The following VPS13D variants were observed in gnomAD, a reference collection of about 807,000 sequenced individuals.
VPS13D encodes intermembrane lipid transfer protein VPS13D.
A neutral mutation model predicts 461.9 loss-of-function variants in VPS13D; 187 were observed. The observed-to-expected ratio is 0.40, with a 90% CI of 0.36 to 0.46. The LOEUF (loss-of-function observed/expected upper bound fraction) is 0.46, where lower values mean the gene tolerates loss of function less well. Among genes scored for constraint, VPS13D ranks in the 20% least tolerant of loss-of-function variants. The pLI, the probability that VPS13D is intolerant of heterozygous loss-of-function variation, is 0.60. For synonymous variants in VPS13D, 1,951 were observed against 1,986.3 expected (o/e 0.98, Z 0.47); for missense variants, 4,711 against 5,364.9 (o/e 0.88, Z 3.81).
At chr1:12,433,466 A>G (rs1645019125) in intron 65 of VPS13D, among the ~76,000 whole-genome samples, 1 of 152,170 alleles carries the variant, frequency 6.6e-6, no homozygotes, top group South Asian at 2.1e-4. Context: ...GATTGCAAAG[A>G]GTTAACACTT....
chr1:12,268,754 C>G lies in VPS13D; in HGVS notation c.1850C>G (p.Pro617Arg). Reference sequence around the variant, plus strand: ...TTTGAGATGCTGTATGAGAGAAATCCGGCGCACAGCCACTTTGAGAGGCGG... The same window carrying G: ...TTTGAGATGCTGTATGAGAGAAATCGGGCGCACAGCCACTTTGAGAGGCGG... ...PVFEMLYERN[P>R]AHSHFERRLN... The change falls in exon 16 of 70, where the codon CCG (proline) becomes CGG (arginine). Residue 617 changes from proline to arginine, a missense_variant. Pro to Arg is a moderately radical substitution (Grantham distance 103). This residue lies in a region of VPS13D where 4,411 missense variants were observed against 4,937.8 expected (regional missense o/e 0.89). Coordinates refer to ENST00000620676, the MANE Select transcript of VPS13D (RefSeq NM_015378.4). 2.5e-6 allele frequency: 4 copies of G among 1,613,998 alleles called. No homozygotes were observed. The highest frequency in any genetic ancestry group is 2.2e-5 in the East Asian group (1 of 44,880).
At position 12,276,500 on chromosome 1, in the gene VPS13D, A is replaced by G. The variant is rs772435156; in HGVS notation, c.2912A>G (p.Asn971Ser). ...TGTATGCAGCTTGGTGTTGAGAGCA[A>G]TGGCCGGTACATTTCTGTGCTCAAG... ...VNCMQLGVES[N>S]GRYISVLKVF... is the part of the protein sequence containing the mutation. Residue 971 changes from asparagine (N) to serine (S), a missense_variant, in exon 19 of 70, where the codon AAT becomes AGT. By Grantham distance (46) the Asn-to-Ser change is conservative (BLOSUM62 1). Coordinates refer to ENST00000620676, the MANE Select transcript of VPS13D (RefSeq NM_015378.4). This position sits in a 1 kb window ranked among gnomAD's most constrained non-coding sequence, Gnocchi z 4.5. 1.2e-6 allele frequency: 2 copies of G among 1,614,140 alleles called. No homozygotes were observed. The highest frequency in any genetic ancestry group is 2.2e-5 in the South Asian group (2 of 91,064).
At chr1:12,290,964 A>G (rs1569822111) in intron 22 of VPS13D, 34 bp from the exon 23 acceptor site, 1 of 1,563,888 alleles carries the variant, frequency 6.4e-7, no homozygotes, top group East Asian at 2.3e-5. Flanking sequence ...AAAAAAGGAT[A>G]CATAGTAATG....
Position 12,318,280 on chromosome 1 carries a change from C to T in VPS13D, c.7357C>T (p.Arg2453Trp), listed in dbSNP as rs763267940. ...KTVKSGVVTK[R>W]SSLPVSNERH... The stretch of plus-strand genomic sequence containing the variant: ...TGTGAAGAGTGGAGTAGTTACCAAG[C>T]GGTCTTCCCTTCCTGTGTCCAATGA... Residue 2453 changes from arginine to tryptophan, a missense_variant, in exon 31 of 70, where the codon CGG becomes TGG. By Grantham distance (101) the Arg-to-Trp change is moderately radical (BLOSUM62 -3). This residue lies in a region of VPS13D where 4,411 missense variants were observed against 4,937.8 expected (regional missense o/e 0.89). Coordinates refer to ENST00000620676, the MANE Select transcript of VPS13D (RefSeq NM_015378.4). 39 of 1,613,760 alleles carry T rather than the reference C, an allele frequency of 2.4e-5. No homozygotes were observed. Among genetic ancestry groups the T allele is most frequent in the Admixed American group, 3.3e-5 (2 of 60,000 alleles).
At chr1:12,310,408 T>C (rs1049783746) in intron 27 of VPS13D, among the ~76,000 whole-genome samples, 20 of 152,214 alleles carry the variant, frequency 1.3e-4, no homozygotes, top group Non-Finnish European at 2.4e-4. Flanking sequence ...TAGAGCATAG[T>C]GTCTGTAGGA....
intron 24 of VPS13D, among the ~76,000 whole-genome samples, chr1:12,295,730 A>G (rs1466430623): frequency 6.6e-6 from 1 of 152,206 alleles, no homozygotes; most frequent in South Asian, 2.1e-4. Context: ...GAGTATCATA[A>G]TAAGATGAAC....
intron 20 of VPS13D, among the ~76,000 whole-genome samples, chr1:12,281,801 T>C (rs971262868): frequency 6.6e-6 from 1 of 152,204 alleles, no homozygotes; most frequent in African/African-American, 2.4e-5. Flanking sequence ...ATGGTCACTT[T>C]TTCTAATTCC....
At chr1:12,244,920 G>T (rs939045322) in intron 5 of VPS13D, among the ~76,000 whole-genome samples, 22 of 152,258 alleles carry the variant, frequency 1.4e-4, no homozygotes, top group African/African-American at 5.1e-4. Flanking sequence ...CTTGCTCAAG[G>T]ATTTATGGCC....
chr1:12,249,381 C>A (rs868298771), intron 6 of VPS13D, 42 bp downstream of exon 6: 7 of 1,510,906 alleles, frequency 4.6e-6, no homozygotes, highest in Non-Finnish European at 6.4e-6. Context: ...GAAAGCCATG[C>A]TCTAGGAATC....
At chr1:12,487,272 A>G (rs1645809635) in intron 67 of VPS13D, among the ~76,000 whole-genome samples, 1 of 152,036 alleles carries the variant, frequency 6.6e-6, no homozygotes, top group Non-Finnish European at 1.5e-5. Flanking sequence ...TAGTAGAAGG[A>G]GATTTAAAAC....
chr1:12,485,601 G>A (rs149301126), intron 67 of VPS13D, among the ~76,000 whole-genome samples: 327 of 152,268 alleles, frequency 2.1e-3, no homozygotes, highest in Middle Eastern at 6.8e-3. Flanking sequence ...CATCAGTGTT[G>A]CTTATTATTT....
chr1:12,320,135 C>A (rs1642995984), intron 32 of VPS13D, among the ~76,000 whole-genome samples: 1 of 152,248 alleles, frequency 6.6e-6, no homozygotes, highest in African/African-American at 2.4e-5. Context: ...TCTGCAGAGT[C>A]CTGCCTGGCT....
chr1:12,437,195 G>A (rs1269887163), intron 65 of VPS13D, among the ~76,000 whole-genome samples: 1 of 152,152 alleles, frequency 6.6e-6, no homozygotes, highest in Admixed American at 6.5e-5. Context: ...TCTGACCAGA[G>A]TGACTCAGTC....
intron 68 of VPS13D, among the ~76,000 whole-genome samples, chr1:12,500,648 G>C (rs1347416560): frequency 6.6e-6 from 1 of 151,678 alleles, no homozygotes; most frequent in Non-Finnish European, 1.5e-5. Context: ...AACATTTATG[G>C]GATTTTTTAA....
chr1:12,401,195 G>A (rs1644575350), intron 61 of VPS13D, among the ~76,000 whole-genome samples: 1 of 152,148 alleles, frequency 6.6e-6, no homozygotes, highest in South Asian at 2.1e-4. Flanking sequence ...CCAACCAGGG[G>A]TTGCTTCCCA....
chr1:12,395,230 G>A (rs181253012), intron 60 of VPS13D, among the ~76,000 whole-genome samples: 1 of 152,294 alleles, frequency 6.6e-6, no homozygotes, highest in Non-Finnish European at 1.5e-5. Flanking sequence ...GACAGCATGG[G>A]TTGAGGAGAT....
chr1:12,261,524 T>C (rs984450482), intron 12 of VPS13D, among the ~76,000 whole-genome samples: 2 of 152,252 alleles, frequency 1.3e-5, no homozygotes, highest in Non-Finnish European at 2.9e-5. Flanking sequence ...AGTAAAAATT[T>C]AGTTTCTTAA....
chr1:12,406,014 A>C (rs1197787060), intron 63 of VPS13D, among the ~76,000 whole-genome samples: 1 of 152,102 alleles, frequency 6.6e-6, no homozygotes, highest in Non-Finnish European at 1.5e-5. Flanking sequence ...CAACGAAATC[A>C]TTTCAGTTGA....
chr1:12,493,054 C>T (rs1398563024), intron 67 of VPS13D, among the ~76,000 whole-genome samples: 2 of 148,370 alleles, frequency 1.3e-5, no homozygotes, highest in East Asian at 3.9e-4. Flanking sequence ...ACTTGTGGTC[C>T]ACGATTGAGT....
Sources: allele counts gnomAD v4.1 joint callset (sites outside exome capture counted in the v4.1 genomes callset), GRCh38; gene constraint gnomAD v4.1.1; regional missense constraint gnomAD v4.1.1; non-coding constraint Gnocchi (gnomAD v3.1); transcripts MANE v1.5; gene names NCBI Gene and HGNC (gene_info 2026-07-23, HGNC 2026-07-21).